Variants in SLC24A2 observed in about 807,000 individuals in gnomAD.
SLC24A2 encodes sodium/potassium/calcium exchanger 2.
In SLC24A2, 36 loss-of-function variants were observed where a neutral mutation model predicts 62.0. That is an observed-to-expected ratio of 0.58 (90% CI 0.44 to 0.77). The LOEUF is 0.77. SLC24A2 is among the 30% of genes least tolerant of loss of function. The pLI, the probability that SLC24A2 is intolerant of heterozygous loss-of-function variation, is 0.00. For synonymous variants in SLC24A2, 358 were observed against 294.0 expected (o/e 1.22, Z -2.23); for missense variants, 846 against 817.9 (o/e 1.03, Z -0.42).
At chr9:19,721,576 TA>T (rs1480222032) in intron 2 of SLC24A2, among the ~76,000 whole-genome samples, 2 of 152,104 alleles carry the variant, frequency 1.3e-5, no homozygotes, top group Admixed American at 6.6e-5. Context: ...GGGCAATTAA[TA>T]AAGAAATTAA....
chr9:19,898,808 A>G, the SLC24A2 span, among the ~76,000 whole-genome samples: 3 of 151,928 alleles, frequency 2.0e-5, no homozygotes, highest in Non-Finnish European at 1.5e-5. Context: ...AAAACAGGTG[A>G]CCAATTATTA....
In SLC24A2 at chr9:19,528,182, T is replaced by C. The variant is rs141283094; in HGVS notation, c.1480-44A>G. 8.1e-3 allele frequency: 10,170 copies of C among 1,251,130 alleles called. 64 individuals carry two copies. The highest frequency in any genetic ancestry group is 0.025 in the Middle Eastern group (136 of 5,396). 77.5% of individuals were successfully genotyped at this position (1,251,130 alleles called of 1,614,324 possible). The stretch of plus-strand genomic sequence containing the variant: ...GAGTTGAGAATATCAGTGTTATCCA[T>C]TGAGACTGATCTGGAAATCCAAAGC... On this transcript the variant is annotated intron_variant, in intron 8 of 10. Transcript: ENST00000341998.
At chr9:19,822,130 T>C in the SLC24A2 span, among the ~76,000 whole-genome samples, 1 of 152,290 alleles carries the variant, frequency 6.6e-6, no homozygotes, top group Admixed American at 6.5e-5. Context: ...TTTGCATCTA[T>C]TGATTGAAGA....
Position 19,512,429 on chromosome 9 carries a change from C to T in SLC24A2, c.*3724G>A, listed in dbSNP as rs1170299792. 6.6e-6 allele frequency: 1 copy of T among 152,236 alleles called. No individual in the cohort carries two copies. The allele number at this position is 152,236 out of a possible 1,614,324, so 9.4% of individuals were successfully genotyped here. A position where few individuals can be genotyped will look rare whatever the true frequency, so the allele number is the denominator to read the frequency against. On this transcript the variant is annotated 3_prime_UTR_variant, in exon 11 of 11. Coordinates refer to ENST00000341998, the MANE Select transcript of SLC24A2 (RefSeq NM_020344.4). The stretch of plus-strand genomic sequence containing the variant: ...TGCATCTGCCGAGGGTATAAACAAC[C>T]CTATCCCTTAGTCCCTGCATATATC...
chr9:20,074,259 C>T, the SLC24A2 span, among the ~76,000 whole-genome samples: 2 of 151,898 alleles, frequency 1.3e-5, no homozygotes, highest in Non-Finnish European at 2.9e-5. Context: ...TAGCGTTTTT[C>T]CTTCACACCT....
At chr9:20,053,444 C>A in the SLC24A2 span, among the ~76,000 whole-genome samples, 1 of 152,156 alleles carries the variant, frequency 6.6e-6, no homozygotes, top group Non-Finnish European at 1.5e-5. Flanking sequence ...CAAAGATGCT[C>A]TCTGTTTTAC....
chr9:20,215,662 C>T, the SLC24A2 span, among the ~76,000 whole-genome samples: 1 of 152,286 alleles, frequency 6.6e-6, no homozygotes, highest in South Asian at 2.1e-4. Context: ...TGTACTATTT[C>T]TATCAGTAAG....
chr9:20,269,581 C>T, the SLC24A2 span, among the ~76,000 whole-genome samples: 3 of 152,080 alleles, frequency 2.0e-5, no homozygotes, highest in Non-Finnish European at 4.4e-5. Context: ...TTTCATGTAC[C>T]CCTGATAGCA....
At chr9:20,092,324 A>G in the SLC24A2 span, among the ~76,000 whole-genome samples, 1 of 152,228 alleles carries the variant, frequency 6.6e-6, no homozygotes, top group Non-Finnish European at 1.5e-5. Flanking sequence ...TTTTATTTTA[A>G]TATGTAATAT....
At chr9:19,972,680 A>G in the SLC24A2 span, among the ~76,000 whole-genome samples, 1 of 152,162 alleles carries the variant, frequency 6.6e-6, no homozygotes, top group African/African-American at 2.4e-5. Context: ...TGCATATCTT[A>G]TATGTCTACA....
chr9:19,823,074 C>T, the SLC24A2 span, among the ~76,000 whole-genome samples: 3 of 152,266 alleles, frequency 2.0e-5, no homozygotes, highest in East Asian at 5.8e-4. Flanking sequence ...CCCTTCTGGG[C>T]ATCTGCTTCT....
At chr9:20,259,008 A>C in the SLC24A2 span, among the ~76,000 whole-genome samples, 54 of 152,252 alleles carry the variant, frequency 3.5e-4, no homozygotes, top group African/African-American at 1.3e-3. Flanking sequence ...ACTATTAAAC[A>C]TGGAAGAGGG....
At chr9:20,071,915 G>C in the SLC24A2 span, among the ~76,000 whole-genome samples, 1 of 152,054 alleles carries the variant, frequency 6.6e-6, no homozygotes, top group Non-Finnish European at 1.5e-5. Context: ...TTGGCTGACT[G>C]ATTTATCATG....
chr9:20,003,122 G>A, the SLC24A2 span, among the ~76,000 whole-genome samples: 1 of 152,174 alleles, frequency 6.6e-6, no homozygotes, highest in Non-Finnish European at 1.5e-5. Flanking sequence ...AGGATTTTGT[G>A]TAACAAATCT....
the SLC24A2 span, among the ~76,000 whole-genome samples, chr9:20,030,798 G>A: frequency 6.6e-6 from 1 of 152,156 alleles, no homozygotes; most frequent in African/African-American, 2.4e-5. Context: ...TTAGTGAAAT[G>A]AGTCCTCTTA....
At chr9:20,167,420 C>T in the SLC24A2 span, among the ~76,000 whole-genome samples, 1 of 151,870 alleles carries the variant, frequency 6.6e-6, no homozygotes, top group African/African-American at 2.4e-5. Flanking sequence ...TCGGGGAAGG[C>T]AAGAAAGAAT....
At chr9:19,771,155 A>G (rs2118892841) in intron 2 of SLC24A2, among the ~76,000 whole-genome samples, 1 of 152,358 alleles carries the variant, frequency 6.6e-6, no homozygotes, top group African/African-American at 2.4e-5. Context: ...ATAACTGCCA[A>G]TAACACTTAC....
the SLC24A2 span, among the ~76,000 whole-genome samples, chr9:20,032,118 A>G: frequency 2.0e-5 from 3 of 152,154 alleles, no homozygotes; most frequent in Non-Finnish European, 4.4e-5. Flanking sequence ...ACAGCCTTCT[A>G]TCTTATCAGG....
intron 2 of SLC24A2, among the ~76,000 whole-genome samples, chr9:19,640,027 G>A (rs1818453262): frequency 6.6e-6 from 1 of 152,228 alleles, no homozygotes. Flanking sequence ...AGTAACTTGA[G>A]TTTATTAGAT....
Sources: gnomAD v4.1 joint callset for allele counts (sites outside exome capture counted in the v4.1 genomes callset) on GRCh38, gnomAD v4.1.1 for gene constraint, MANE v1.5 for transcripts, NCBI Gene and HGNC (gene_info 2026-07-23, HGNC 2026-07-21) for gene names.